Variants in PID1 observed in about 807,000 individuals in gnomAD.
PID1 encodes phosphotyrosine interaction domain containing 1.
A neutral mutation model predicts 19.1 loss-of-function variants in PID1; 10 were observed. The ratio of observed to expected loss-of-function variants is 0.52; its 90% CI spans 0.32 to 0.89. The LOEUF (loss-of-function observed/expected upper bound fraction) is 0.89, where lower values mean the gene tolerates loss of function less well. Among genes scored for constraint, PID1 ranks in the 40% least tolerant of loss-of-function variants. The pLI, the probability that PID1 is intolerant of heterozygous loss-of-function variation, is 0.03. For synonymous variants in PID1, 130 were observed against 116.0 expected (o/e 1.12, Z -0.78); for missense variants, 248 against 285.3 (o/e 0.87, Z 0.94).
At chr2:229,037,154 T>C (rs1327259885) in intron 2 of PID1, among the ~76,000 whole-genome samples, 5 of 152,092 alleles carry the variant, frequency 3.3e-5, no homozygotes, top group African/African-American at 1.2e-4. Context: ...ATTGAGAAAA[T>C]TTAAAAAATG....
At chr2:229,232,386 C>A (rs892068733) in intron 1 of PID1, among the ~76,000 whole-genome samples, 11 of 118,698 alleles carry the variant, frequency 9.3e-5, no homozygotes, top group Admixed American at 3.6e-4. Context: ...GAGCCGAGAT[C>A]GTGCCACTGT....
chr2:229,158,167 A>G (rs1690420122), intron 1 of PID1, among the ~76,000 whole-genome samples: 1 of 152,228 alleles, frequency 6.6e-6, no homozygotes, highest in East Asian at 1.9e-4. Flanking sequence ...ACAGCATTAA[A>G]TGGCAAATAA....
At chr2:229,125,077 C>A (rs1695595281) in intron 2 of PID1, among the ~76,000 whole-genome samples, 1 of 152,124 alleles carries the variant, frequency 6.6e-6, no homozygotes, top group Admixed American at 6.5e-5. Flanking sequence ...GATGATCAGA[C>A]TTTACTCTTT....
intron 1 of PID1, among the ~76,000 whole-genome samples, chr2:229,190,955 T>C (rs1221450339): frequency 6.6e-6 from 1 of 152,128 alleles, no homozygotes; most frequent in African/African-American, 2.4e-5. Flanking sequence ...AAAACAACAG[T>C]ATATAAACCA....
At chr2:229,173,350 G>A (rs1483358577) in intron 1 of PID1, among the ~76,000 whole-genome samples, 2 of 152,148 alleles carry the variant, frequency 1.3e-5, no homozygotes, top group African/African-American at 2.4e-5. Flanking sequence ...TCTACTTTGT[G>A]TTTGGTCTGT....
intron 2 of PID1, among the ~76,000 whole-genome samples, chr2:229,030,494 ATG>A (rs1693523090): frequency 1.3e-5 from 2 of 152,212 alleles, no homozygotes; most frequent in Non-Finnish European, 2.9e-5. Flanking sequence ...AGTGCCTGAA[ATG>A]AGGTATATTT....
chr2:229,099,884 C>T (rs1695042042), intron 2 of PID1, among the ~76,000 whole-genome samples: 2 of 152,322 alleles, frequency 1.3e-5, no homozygotes, highest in South Asian at 4.1e-4. Context: ...TTTTGCTACA[C>T]ACTGAATGTT....
At chr2:229,149,473 C>T (rs7565271) in intron 2 of PID1, among the ~76,000 whole-genome samples, 5,297 of 152,096 alleles carry the variant, frequency 0.035, 319 homozygotes, top group African/African-American at 0.12. Flanking sequence ...ATACAAGCAC[C>T]CCCTGATAGT....
At chr2:229,046,381 CGT>C (rs532823161) in intron 2 of PID1, among the ~76,000 whole-genome samples, 4,683 of 91,226 alleles carry the variant, frequency 0.051, 113 homozygotes, top group Middle Eastern at 0.067. Context: ...TGTGTGTGTG[CGT>C]GTGTGTGTGT....
At position 229,083,168 on chromosome 2, in the gene PID1, C is replaced by T. The variant is rs1448045877; in HGVS notation, c.178-57060G>A. On this transcript the variant is annotated intron_variant, in intron 2 of 2. Coordinates refer to ENST00000392055, the MANE Select transcript of PID1 (RefSeq NM_001100818.2). ...TCCCTGCTGTTCAGAGAACCCATTT[C>T]TTTCCATGGCCCAACTGAACACCTT... Among the ~76,000 whole-genome samples the T allele has an allele frequency of 2.6e-5, 4 of 152,172 alleles. No individual in the cohort carries two copies. In the East Asian group the frequency reaches 7.7e-4, roughly 29 times the overall value.
intron 2 of PID1, among the ~76,000 whole-genome samples, chr2:229,042,532 AT>A (rs1423809814): frequency 6.6e-6 from 1 of 152,188 alleles, no homozygotes; most frequent in Non-Finnish European, 1.5e-5. Flanking sequence ...CATGTGACAA[AT>A]TCTACTCTGA....
At chr2:229,030,587 T>TTA (rs35091936) in intron 2 of PID1, among the ~76,000 whole-genome samples, 11 of 151,574 alleles carry the variant, frequency 7.3e-5, no homozygotes, top group South Asian at 2.1e-4. Flanking sequence ...AAGGCACACT[T>TTA]TCTCTCTCTC....
chr2:229,080,789 A>G (rs1694654121), intron 2 of PID1, among the ~76,000 whole-genome samples: 1 of 152,160 alleles, frequency 6.6e-6, no homozygotes, highest in Admixed American at 6.5e-5. Context: ...CAAACAAGAA[A>G]ACCTCTAACA....
chr2:229,040,956 G>T (rs1693758960), intron 2 of PID1, among the ~76,000 whole-genome samples: 1 of 152,138 alleles, frequency 6.6e-6, no homozygotes, highest in African/African-American at 2.4e-5. Context: ...CAGAACCCTG[G>T]GACATTAGAG....
intron 1 of PID1, among the ~76,000 whole-genome samples, chr2:229,189,738 T>C (rs949216284): frequency 1.3e-5 from 2 of 152,138 alleles, no homozygotes; most frequent in Non-Finnish European, 2.9e-5. Flanking sequence ...TAGTTGACTG[T>C]TGATAATAAT....
chr2:229,252,094 A>G (rs1162954750), intron 1 of PID1, among the ~76,000 whole-genome samples: 1 of 152,014 alleles, frequency 6.6e-6, no homozygotes, highest in Non-Finnish European at 1.5e-5. Context: ...CCACTGAAAA[A>G]GGAAGATGGA....
In PID1 at chr2:229,268,193, G is replaced by A. The variant is rs181466005; in HGVS notation, c.30+2821C>T. Among the ~76,000 whole-genome samples the A allele has an allele frequency of 1.1e-3, 175 of 152,346 alleles. 1 individual carries two copies. The highest frequency in any genetic ancestry group is 3.4e-3 in the Middle Eastern group (1 of 294). On this transcript the variant is annotated intron_variant, in intron 1 of 2. Coordinates refer to ENST00000392055, the MANE Select transcript of PID1 (RefSeq NM_001100818.2). ...TCTGCTCAGGGCAATAGGTCCCTTT[G>A]CCTGTGCTGGATTTGGGTCAAACAG...
intron 2 of PID1, among the ~76,000 whole-genome samples, chr2:229,054,523 G>A (rs1694055924): frequency 6.6e-6 from 1 of 152,108 alleles, no homozygotes; most frequent in African/African-American, 2.4e-5. Flanking sequence ...GGTGGTGGTG[G>A]TCAAAGTCAA....
chr2:229,241,647 A>T (rs1051281927), intron 1 of PID1, among the ~76,000 whole-genome samples: 2 of 152,128 alleles, frequency 1.3e-5, no homozygotes, highest in African/African-American at 2.4e-5. Context: ...GGTAGTACAA[A>T]TTCTCAGCAT....
Sources: allele counts gnomAD v4.1 joint callset (sites outside exome capture counted in the v4.1 genomes callset), GRCh38; gene constraint gnomAD v4.1.1; transcripts MANE v1.5; gene names NCBI Gene and HGNC (gene_info 2026-07-23, HGNC 2026-07-21).